Variants in GHR observed in about 807,000 individuals in gnomAD.
The protein encoded by GHR is GH receptor.
A neutral mutation model predicts 67.1 loss-of-function variants in GHR; 35 were observed. That is an observed-to-expected ratio of 0.52 (90% CI 0.40 to 0.69). The LOEUF (loss-of-function observed/expected upper bound fraction) is 0.69, where lower values mean the gene tolerates loss of function less well. Ranked by LOEUF, GHR falls within the 30% of genes least tolerant of loss-of-function variation. The pLI is 0.00. For missense variants in GHR, 792 were observed against 764.6 expected (o/e 1.04, Z -0.42); for synonymous variants, 272 against 269.1 (o/e 1.01, Z -0.10).
intron 1 of GHR, chr5:42,465,961 G>T: frequency 1.5e-6 from 1 of 662,948 alleles, no homozygotes; most frequent in Non-Finnish European, 2.7e-6. Flanking sequence ...TCCCTTCACC[G>T]TGAAGTTGTT....
intron 1 of GHR, among the ~76,000 whole-genome samples, chr5:42,499,953 AC>A (rs568559299): frequency 2.8e-4 from 43 of 152,332 alleles, no homozygotes; most frequent in Admixed American, 2.4e-3. Flanking sequence ...AATTATTGCC[AC>A]TGAGGAATGC....
chr5:42,489,737 C>T (rs1365391314), intron 1 of GHR, among the ~76,000 whole-genome samples: 4 of 152,132 alleles, frequency 2.6e-5, no homozygotes, highest in African/African-American at 9.7e-5. Context: ...GATGTCTCAT[C>T]TTGGGCATTT....
intron 2 of GHR, among the ~76,000 whole-genome samples, chr5:42,607,739 A>T (rs1254192886): frequency 6.6e-6 from 1 of 152,202 alleles, no homozygotes; most frequent in Non-Finnish European, 1.5e-5. Flanking sequence ...AAACAAAAGA[A>T]GAGGGCCATT....
chr5:42,495,079 C>CCACG (rs546641158), intron 1 of GHR, among the ~76,000 whole-genome samples: 1 of 698 alleles, frequency 1.4e-3, no homozygotes, highest in Non-Finnish European at 0.05. Context: ...ATTCCCACGC[C>CCACG]CCCCCCCCAT....
In GHR at chr5:42,439,409, C is replaced by T. The variant is rs77889066; in HGVS notation, c.-12+15454C>T. 1.3e-3 allele frequency among the ~76,000 whole-genome samples: 205 copies of T among 152,304 alleles called. 4 individuals carry two copies. The East Asian group carries it at 0.038, about 28-fold the overall frequency. On this transcript the variant is annotated intron_variant, in intron 1 of 9. Transcript: ENST00000230882. ...TCCCTAATGATTTTACTCAGCTTTT[C>T]AAAGGGGTCCTAAAAGCTCAGAGGT...
chr5:42,502,049 C>G (rs1007636230), intron 1 of GHR, among the ~76,000 whole-genome samples: 3 of 152,132 alleles, frequency 2.0e-5, no homozygotes, highest in African/African-American at 7.2e-5. Context: ...GTTTTGCTTG[C>G]CCATTGGTGC....
At chr5:42,576,114 A>AGT (rs1491119288) in intron 2 of GHR, among the ~76,000 whole-genome samples, 19 of 98,042 alleles carry the variant, frequency 1.9e-4, no homozygotes, top group African/African-American at 8.4e-4. Flanking sequence ...AAAATAAAAT[A>AGT]AAATAAAATA....
intron 1 of GHR, among the ~76,000 whole-genome samples, chr5:42,436,072 A>G (rs1259154104): frequency 6.6e-6 from 1 of 152,166 alleles, no homozygotes; most frequent in Non-Finnish European, 1.5e-5. Flanking sequence ...ATTGGTATAA[A>G]ACAGGACCCC....
chr5:42,448,383 C>T (rs1237148927), intron 1 of GHR, among the ~76,000 whole-genome samples: 2 of 151,804 alleles, frequency 1.3e-5, no homozygotes, highest in African/African-American at 2.4e-5. Context: ...GTTGGGCATT[C>T]GTATATCTTC....
At chr5:42,542,269 G>C (rs911574974) in intron 1 of GHR, among the ~76,000 whole-genome samples, 4 of 152,148 alleles carry the variant, frequency 2.6e-5, no homozygotes, top group African/African-American at 9.7e-5. Flanking sequence ...GAAGTGGGGA[G>C]TGATCCATTG....
intron 3 of GHR, among the ~76,000 whole-genome samples, chr5:42,647,345 C>T (rs1252124406): frequency 3.3e-5 from 5 of 151,910 alleles, no homozygotes; most frequent in East Asian, 1.9e-4. Context: ...GAGGCCGAGG[C>T]GGGTGGATCA....
At chr5:42,535,769 T>A (rs1328563072) in intron 1 of GHR, among the ~76,000 whole-genome samples, 1 of 152,204 alleles carries the variant, frequency 6.6e-6, no homozygotes, top group Non-Finnish European at 1.5e-5. Context: ...TTTCACAATA[T>A]TGATTCTACC....
chr5:42,688,450 T>C (rs565235510), intron 3 of GHR, among the ~76,000 whole-genome samples: 2 of 152,294 alleles, frequency 1.3e-5, no homozygotes, highest in Admixed American at 6.5e-5. Flanking sequence ...ACACAGCTTC[T>C]CAAAGGAGCC....
intron 1 of GHR, among the ~76,000 whole-genome samples, chr5:42,564,616 C>G (rs1007272744): frequency 6.6e-6 from 1 of 152,134 alleles, no homozygotes; most frequent in African/African-American, 2.4e-5. Context: ...AAGATAGGTC[C>G]TCTGCTGTCT....
intron 2 of GHR, among the ~76,000 whole-genome samples, chr5:42,588,793 A>G (rs1051903078): frequency 1.3e-5 from 2 of 152,156 alleles, no homozygotes; most frequent in African/African-American, 4.8e-5. Flanking sequence ...ACAAAACAAA[A>G]TTCATAGCTT....
intron 1 of GHR, among the ~76,000 whole-genome samples, chr5:42,478,645 A>C (rs1332390076): frequency 7.2e-5 from 11 of 152,220 alleles, no homozygotes; most frequent in Non-Finnish European, 1.3e-4. Context: ...TCTTTGAAGC[A>C]ATTGTGAATG....
Position 42,623,110 on chromosome 5 carries a change from A to G in GHR, c.71-5928A>G, listed in dbSNP as rs73751223. Reference sequence around the variant, plus strand: ...AAAACAATAACAATGATAAGCATATATAACACTTACTTATCACTAATTATA... The same window carrying G: ...AAAACAATAACAATGATAAGCATATGTAACACTTACTTATCACTAATTATA... On this transcript the variant is annotated intron_variant, in intron 2 of 9. Transcript: ENST00000230882. 6.9e-3 allele frequency among the ~76,000 whole-genome samples: 1,057 copies of G among 152,310 alleles called. 11 individuals are homozygous for G. The highest frequency in any genetic ancestry group is 0.024 in the African/African-American group (1,006 of 41,570).
chr5:42,501,482 G>A (rs764514851), intron 1 of GHR, among the ~76,000 whole-genome samples: 32 of 151,996 alleles, frequency 2.1e-4, no homozygotes, highest in Admixed American at 1.6e-3. Flanking sequence ...CATGGACTTG[G>A]CCCAGCTACC....
At chr5:42,675,700 G>T (rs1580177961) in intron 3 of GHR, among the ~76,000 whole-genome samples, 1 of 152,190 alleles carries the variant, frequency 6.6e-6, no homozygotes, top group East Asian at 1.9e-4. Flanking sequence ...AGAAAGTTTG[G>T]TGAAGGTTTA....
Sources: gnomAD v4.1 joint callset for allele counts (sites outside exome capture counted in the v4.1 genomes callset) on GRCh38, gnomAD v4.1.1 for gene constraint, MANE v1.5 for transcripts, NCBI Gene and HGNC (gene_info 2026-07-23, HGNC 2026-07-21) for gene names.